Variants in RIMS2 observed in about 807,000 individuals in gnomAD.
RIMS2 encodes the protein regulating synaptic membrane exocytosis protein 2.
A neutral mutation model predicts 174.4 loss-of-function variants in RIMS2; 59 were observed. The ratio of observed to expected loss-of-function variants is 0.34; its 90% confidence interval spans 0.27 to 0.42. The LOEUF is 0.42. Among genes scored for constraint, RIMS2 ranks in the 10% least tolerant of loss-of-function variants. The pLI is 1.00. For synonymous variants in RIMS2, 606 were observed against 572.5 expected, an observed-to-expected ratio of 1.06 and a Z score of -0.84; for missense variants, 1,620 against 1,666.3, an observed-to-expected ratio of 0.97 and a Z score of 0.48.
intron 19 of RIMS2, among the ~76,000 whole-genome samples, chr8:104,235,115 T>C (rs2099251603): frequency 6.6e-6 from 1 of 152,100 alleles, no homozygotes; most frequent in African/African-American, 2.4e-5. Flanking sequence ...CCATTTTTCA[T>C]GAGAGAACAA....
chr8:103,535,017 T>G (rs1839138713), intron 1 of RIMS2, among the ~76,000 whole-genome samples: 1 of 152,228 alleles, frequency 6.6e-6, no homozygotes. Flanking sequence ...TCTCTTTAGC[T>G]TGAAAATATC....
intron 1 of RIMS2, chr8:103,568,584 TTGTCTTCAGC>T (rs1299541176): frequency 5.8e-6 from 3 of 518,268 alleles, no homozygotes; most frequent in Non-Finnish European, 1.1e-5. Flanking sequence ...GTACTACTTC[TTGTCTTCAGC>T]TGTAACTGTG....
At chr8:103,993,401 C>G (rs2094857797) in intron 17 of RIMS2, among the ~76,000 whole-genome samples, 1 of 151,766 alleles carries the variant, frequency 6.6e-6, no homozygotes, top group South Asian at 2.1e-4. Context: ...AGGAAAATGC[C>G]CTATTATATG....
intron 19 of RIMS2, among the ~76,000 whole-genome samples, chr8:104,113,452 G>C (rs2098227783): frequency 6.6e-6 from 1 of 152,030 alleles, no homozygotes; most frequent in Admixed American, 6.6e-5. Flanking sequence ...CTTTAAAGGA[G>C]ACTGCTCTTT....
intron 17 of RIMS2, among the ~76,000 whole-genome samples, chr8:104,005,499 G>A (rs145356708): frequency 4.6e-5 from 7 of 152,238 alleles, no homozygotes; most frequent in East Asian, 1.9e-4. Flanking sequence ...GTTTAAGGAA[G>A]TTTATTAACA....
chr8:104,175,752 A>T (rs2098885450), intron 19 of RIMS2, among the ~76,000 whole-genome samples: 1 of 152,150 alleles, frequency 6.6e-6, no homozygotes, highest in Admixed American at 6.6e-5. Context: ...GAGTCATATA[A>T]AGCTTTCACA....
chr8:104,080,454 G>A (rs2097395264), intron 19 of RIMS2, among the ~76,000 whole-genome samples: 2 of 152,040 alleles, frequency 1.3e-5, no homozygotes, highest in South Asian at 2.1e-4. Flanking sequence ...TACTAGACAT[G>A]TTCTCACAAG....
At chr8:104,076,771 A>G (rs2097300456) in intron 19 of RIMS2, among the ~76,000 whole-genome samples, 1 of 151,122 alleles carries the variant, frequency 6.6e-6, no homozygotes, top group South Asian at 2.1e-4. Context: ...TTCTTATTCT[A>G]TAAGGTGTGT....
At chr8:103,896,945 C>A (rs955278154) in intron 4 of RIMS2, among the ~76,000 whole-genome samples, 2 of 151,570 alleles carry the variant, frequency 1.3e-5, no homozygotes, top group African/African-American at 4.9e-5. Flanking sequence ...AAAACAGTCA[C>A]AGAAAATACA....
intron 1 of RIMS2, among the ~76,000 whole-genome samples, chr8:103,651,189 A>G (rs1367477619): frequency 5.3e-5 from 8 of 152,202 alleles, no homozygotes; most frequent in Admixed American, 5.2e-4. Flanking sequence ...CAGGTCACAC[A>G]ATCACTGACA....
At chr8:103,530,786 T>A (rs1250606782) in intron 1 of RIMS2, among the ~76,000 whole-genome samples, 1 of 151,882 alleles carries the variant, frequency 6.6e-6, no homozygotes, top group Non-Finnish European at 1.5e-5. Flanking sequence ...GAACTGTAAG[T>A]AAAAACAAAA....
intron 2 of RIMS2, among the ~76,000 whole-genome samples, chr8:103,759,762 T>C (rs1281879485): frequency 6.6e-6 from 1 of 151,968 alleles, no homozygotes; most frequent in Non-Finnish European, 1.5e-5. Context: ...CATAGTGGAA[T>C]AGAGGGTCAT....
At chr8:103,747,614 G>T (rs1265277414) in intron 2 of RIMS2, among the ~76,000 whole-genome samples, 3 of 152,054 alleles carry the variant, frequency 2.0e-5, no homozygotes, top group African/African-American at 7.3e-5. Flanking sequence ...GGTGGAGGTG[G>T]TGAGATGTCA....
intron 19 of RIMS2, among the ~76,000 whole-genome samples, chr8:104,051,232 C>G (rs2096780071): frequency 6.6e-6 from 1 of 151,894 alleles, no homozygotes; most frequent in South Asian, 2.1e-4. Flanking sequence ...CAGCAAGACC[C>G]TGTCTCAAAA....
At chr8:104,195,219 A>G (rs1272295289) in intron 19 of RIMS2, among the ~76,000 whole-genome samples, 2 of 152,158 alleles carry the variant, frequency 1.3e-5, no homozygotes, top group African/African-American at 4.8e-5. Context: ...GATATTTAGA[A>G]GGTATGAATT....
intron 3 of RIMS2, among the ~76,000 whole-genome samples, chr8:103,881,080 T>G (rs1395324099): frequency 6.6e-6 from 1 of 151,472 alleles, no homozygotes; most frequent in Admixed American, 6.6e-5. Flanking sequence ...GTAACAATTT[T>G]TTAATGATCT....
At chr8:103,887,918 A>C (rs2099215163) in intron 4 of RIMS2, among the ~76,000 whole-genome samples, 1 of 151,598 alleles carries the variant, frequency 6.6e-6, no homozygotes, top group Non-Finnish European at 1.5e-5. Flanking sequence ...AAGTAGTATA[A>C]AGATGCAAGC....
intron 19 of RIMS2, among the ~76,000 whole-genome samples, chr8:104,118,145 T>G (rs1471303542): frequency 2.0e-5 from 3 of 152,114 alleles, no homozygotes; most frequent in Non-Finnish European, 4.4e-5. Flanking sequence ...AGTTTACTTT[T>G]TTAACCCTAT....
chr8:104,136,592 A>G (rs1486838936), intron 19 of RIMS2, among the ~76,000 whole-genome samples: 1 of 152,228 alleles, frequency 6.6e-6, no homozygotes, highest in Admixed American at 6.5e-5. Context: ...TGTGGTACAT[A>G]TACACCATGG....
Sources: gnomAD v4.1 joint callset for allele counts (sites outside exome capture counted in the v4.1 genomes callset) on GRCh38, gnomAD v4.1.1 for gene constraint, MANE v1.5 for transcripts, NCBI Gene and HGNC (gene_info 2026-07-23, HGNC 2026-07-21) for gene names.